POLDIP3: variants seen among roughly 807,000 people sequenced by gnomAD.
POLDIP3 encodes the protein polymerase delta-interacting protein 3.
Under a neutral mutation model 45.1 loss-of-function variants are expected in POLDIP3, and 14 were observed. The ratio of observed to expected loss-of-function variants is 0.31; its 90% CI spans 0.20 to 0.49. POLDIP3 has a LOEUF of 0.49. POLDIP3 is among the 20% of genes least tolerant of loss of function. The pLI, the probability that POLDIP3 is intolerant of heterozygous loss-of-function variation, is 0.99. For synonymous variants in POLDIP3, 223 were observed against 205.2 expected, an observed-to-expected ratio of 1.09 and a Z score of -0.74; for missense variants, 511 against 538.8, an observed-to-expected ratio of 0.95 and a Z score of 0.51.
intron 1 of POLDIP3, among the ~76,000 whole-genome samples, chr22:42,611,645 C>T (rs780712495): frequency 7.2e-5 from 11 of 152,128 alleles, no homozygotes; most frequent in African/African-American, 2.2e-4. Flanking sequence ...GAGGCTGAGA[C>T]GGGTGGATCG....
intron 4 of POLDIP3, chr22:42,597,775 G>A (rs74279208): frequency 0.12 from 54,211 of 444,678 alleles, 3,865 homozygotes; most frequent in Admixed American, 0.22. Context: ...TCAGCTTCAC[G>A]ACCTCTTTTT....
At chr22:42,601,784 T>G (rs1441803525) in intron 3 of POLDIP3, among the ~76,000 whole-genome samples, 186 bp downstream of exon 3, 7 of 151,930 alleles carry the variant, frequency 4.6e-5, no homozygotes, top group African/African-American at 1.7e-4. Context: ...TAAAAAAAAT[T>G]TCTTCTTTAA....
Position 42,601,445 on chromosome 22 carries a change from CT to C in POLDIP3, c.537+524del, listed in dbSNP as rs376405525. On this transcript the variant is annotated intron_variant, in intron 3 of 8. Transcript: ENST00000252115. ...AAACTTTTTTTAGCCTCTCTGCCCCCTATGCCTCCCTTCCTCTATTAAGAAG... is the reference window on the plus strand; with the variant it reads ...AAACTTTTTTTAGCCTCTCTGCCCCCATGCCTCCCTTCCTCTATTAAGAAG... Among the ~76,000 whole-genome samples the C allele has an allele frequency of 3.1e-4, 47 of 151,518 alleles. 1 individual carries two copies. In the East Asian group the frequency reaches 8.1e-3, roughly 26 times the overall value.
chr22:42,587,385 T>C, intron 8 of POLDIP3, 121 bp downstream of exon 8: 4 of 1,058,802 alleles, frequency 3.8e-6, no homozygotes, highest in Non-Finnish European at 5.7e-6. Flanking sequence ...CCAGCTGCCA[T>C]TAGAACAGAG....
At chr22:42,608,815 T>G (rs924678974) in intron 1 of POLDIP3, among the ~76,000 whole-genome samples, 20 of 152,122 alleles carry the variant, frequency 1.3e-4, no homozygotes, top group Admixed American at 1.3e-4. Flanking sequence ...GAGGATGTAG[T>G]AGGAGCTCCT....
chr22:42,603,311 CATG>C, intron 1 of POLDIP3, 151 bp from the exon 2 acceptor site: 1 of 770,036 alleles, frequency 1.3e-6, no homozygotes, highest in East Asian at 2.7e-5. Context: ...ATTATGCCTA[CATG>C]ATGACTCCTT....
At chr22:42,613,281 T>C (rs145404237) in intron 1 of POLDIP3, among the ~76,000 whole-genome samples, 153 of 152,208 alleles carry the variant, frequency 1.0e-3, no homozygotes, top group Non-Finnish European at 1.7e-3. Context: ...AGTCAGTAGT[T>C]GAGGAAACAA....
At chr22:42,603,278 C>T in intron 1 of POLDIP3, 118 bp from the exon 2 acceptor site, 1 of 1,079,280 alleles carries the variant, frequency 9.3e-7, no homozygotes, top group Non-Finnish European at 1.3e-6. Context: ...GAAAGCGGCT[C>T]CTTGCCTGTG....
intron 1 of POLDIP3, 82 bp from the exon 2 acceptor site, chr22:42,603,242 G>C (rs970203308): frequency 6.8e-7 from 1 of 1,460,152 alleles, no homozygotes; most frequent in South Asian, 1.3e-5. Context: ...GGTAACACTG[G>C]GGACAGAGGA....
rs375319854 is a variant in POLDIP3 at position 42,585,973 on chromosome 22, G to A, written c.1089-5C>T. On this transcript the variant is annotated splice_polypyrimidine_tract_variant and splice_region_variant and intron_variant, in intron 8 of 8. Transcript: ENST00000252115. ...GATGGGCTGTCACTCAGCCGCCTGT[G>A]GAGAGCAGAGAAGAGTCAAAAATTC... 195 of 1,604,150 alleles carry A rather than the reference G, an allele frequency of 1.2e-4. No homozygotes were observed. The highest frequency in any genetic ancestry group is 1.1e-3 in the Admixed American group (64 of 57,724).
At chr22:42,603,297 A>C in intron 1 of POLDIP3, 137 bp from the exon 2 acceptor site, 1 of 848,418 alleles carries the variant, frequency 1.2e-6, no homozygotes, top group Admixed American at 2.8e-5. Flanking sequence ...TGATTGAATA[A>C]ACGATTATGC....
intron 1 of POLDIP3, among the ~76,000 whole-genome samples, chr22:42,608,738 G>A (rs1188677960): frequency 6.6e-6 from 1 of 152,112 alleles, no homozygotes; most frequent in Non-Finnish European, 1.5e-5. Context: ...AAGATGCTTT[G>A]TGCTGGCATT....
In POLDIP3 at chr22:42,614,811, G is replaced by A. The variant is rs28627172; in HGVS notation, c.47C>T (p.Ala16Val). The change falls in exon 1 of 9, where the codon GCG becomes GTG. Residue 16 changes from alanine (A) to valine (V), a missense_variant. Transcript: ENST00000252115. The stretch of plus-strand genomic sequence containing the variant: ...AAAGGCCTCTCACCGTCCTTTCGCC[G>A]CCGCCCCGCGCTTCCTGATGAGTTC... ...LDELIRKRGA[A>V]AKGRLNARPG... 0.13 allele frequency: 214,643 copies of A among 1,613,696 alleles called. 15,719 individuals carry two copies. The highest frequency in any genetic ancestry group is 0.24 in the African/African-American group (18,048 of 74,992).
chr22:42,610,730 T>C (rs778070850), intron 1 of POLDIP3, among the ~76,000 whole-genome samples: 22 of 152,082 alleles, frequency 1.4e-4, no homozygotes, highest in Admixed American at 7.9e-4. Flanking sequence ...TGGCGAGACC[T>C]TGTCTCTACA....
intron 1 of POLDIP3, among the ~76,000 whole-genome samples, chr22:42,606,467 T>C (rs1280656160): frequency 6.6e-6 from 1 of 151,868 alleles, no homozygotes; most frequent in Non-Finnish European, 1.5e-5. Flanking sequence ...TCCATCTCTA[T>C]AAAAATGAAA....
chr22:42,591,228 C>A (rs1045809397), intron 7 of POLDIP3, among the ~76,000 whole-genome samples: 1 of 151,752 alleles, frequency 6.6e-6, no homozygotes, highest in African/African-American at 2.4e-5. Context: ...TAATGACATA[C>A]AAATGGCCAA....
At chr22:42,598,451 C>A (rs542252189) in intron 4 of POLDIP3, among the ~76,000 whole-genome samples, 124 of 152,080 alleles carry the variant, frequency 8.2e-4, no homozygotes, top group African/African-American at 2.8e-3. Flanking sequence ...CGGGGTTTCA[C>A]CATGTTTGCC....
intron 4 of POLDIP3, among the ~76,000 whole-genome samples, chr22:42,596,582 C>G (rs1285137573): frequency 6.6e-6 from 1 of 152,126 alleles, no homozygotes; most frequent in Non-Finnish European, 1.5e-5. Flanking sequence ...AACGCGCACT[C>G]ACAGAAGCCA....
chr22:42,596,491 AGGTCTG>A, intron 4 of POLDIP3, 126 bp from the exon 5 acceptor site: 1 of 984,438 alleles, frequency 1.0e-6, no homozygotes, highest in Non-Finnish European at 1.5e-6. Context: ...ATTCTATTAG[AGGTCTG>A]GAGCCAAAAA....
Sources: allele counts gnomAD v4.1 joint callset (sites outside exome capture counted in the v4.1 genomes callset), GRCh38; gene constraint gnomAD v4.1.1; transcripts MANE v1.5; gene names NCBI Gene and HGNC (gene_info 2026-07-23, HGNC 2026-07-21).